The following SPAG16 variants were observed in gnomAD, a reference collection of about 807,000 sequenced individuals.
SPAG16 encodes the protein sperm associated antigen 16.
SPAG16 carries 86 observed loss-of-function variants against 80.4 expected under a neutral mutation model. That is an observed-to-expected ratio of 1.07 (90% CI 0.90 to 1.28). The LOEUF is 1.28. Ranked by LOEUF, SPAG16 falls within the 50% of genes most tolerant of loss-of-function variation. The pLI is 0.00. For synonymous variants in SPAG16, 294 were observed against 265.9 expected (o/e 1.11, Z -1.03); for missense variants, 870 against 765.3 (o/e 1.14, Z -1.61).
At chr2:213,560,665 CA>C (rs1184378962) in intron 10 of SPAG16, among the ~76,000 whole-genome samples, 4 of 152,082 alleles carry the variant, frequency 2.6e-5, no homozygotes, top group African/African-American at 7.2e-5. Flanking sequence ...CTTAATATGT[CA>C]CCTCTAAGAA....
chr2:213,832,359 T>G (rs929005310), intron 10 of SPAG16, among the ~76,000 whole-genome samples: 1 of 152,086 alleles, frequency 6.6e-6, no homozygotes, highest in African/African-American at 2.4e-5. Flanking sequence ...GCATGCTGAA[T>G]ACTTTGAACT....
chr2:214,064,630 A>G (rs537244655), intron 13 of SPAG16, among the ~76,000 whole-genome samples: 1 of 152,250 alleles, frequency 6.6e-6, no homozygotes, highest in East Asian at 1.9e-4. Context: ...TTGACCCACT[A>G]ACTGAATTAC....
intron 10 of SPAG16, among the ~76,000 whole-genome samples, chr2:213,681,929 A>G (rs998359048): frequency 6.6e-6 from 1 of 152,120 alleles, no homozygotes; most frequent in African/African-American, 2.4e-5. Flanking sequence ...TCTTCCTTTG[A>G]AATATAAAGA....
intron 13 of SPAG16, among the ~76,000 whole-genome samples, chr2:214,062,667 CTTTTT>C (rs36069141): frequency 1.6e-5 from 2 of 122,780 alleles, no homozygotes; most frequent in African/African-American, 3.1e-5. Flanking sequence ...ATAGCCTCCT[CTTTTT>C]TTTTTTTTTT....
intron 15 of SPAG16, among the ~76,000 whole-genome samples, chr2:214,170,178 A>ACACAC (rs1576405518): frequency 2.6e-5 from 4 of 151,572 alleles, no homozygotes; most frequent in African/African-American, 9.7e-5. Flanking sequence ...AGGGATACAC[A>ACACAC]TACACTTAGG....
chr2:213,801,907 A>T (rs1265937016), intron 10 of SPAG16, among the ~76,000 whole-genome samples: 2 of 152,222 alleles, frequency 1.3e-5, no homozygotes, highest in African/African-American at 4.8e-5. Flanking sequence ...CTATTCATTT[A>T]TAAAATCAGG....
chr2:213,728,959 C>A (rs2066909788), intron 10 of SPAG16, among the ~76,000 whole-genome samples: 1 of 140,132 alleles, frequency 7.1e-6, no homozygotes, highest in South Asian at 2.3e-4. Flanking sequence ...ACAGTGCTTG[C>A]ATGGGTATAA....
intron 13 of SPAG16, among the ~76,000 whole-genome samples, chr2:214,064,544 G>A (rs977873422): frequency 2.0e-5 from 3 of 151,858 alleles, no homozygotes; most frequent in African/African-American, 4.8e-5. Flanking sequence ...GGCTATCTGC[G>A]TTTCATCATT....
intron 15 of SPAG16, among the ~76,000 whole-genome samples, chr2:214,210,833 G>A (rs574918020): frequency 6.2e-4 from 91 of 146,216 alleles, no homozygotes; most frequent in African/African-American, 2.1e-3. Context: ...ACACACATGC[G>A]CGCGCGCACA....
chr2:213,997,654 C>T (rs919575878), intron 12 of SPAG16, among the ~76,000 whole-genome samples: 1 of 152,226 alleles, frequency 6.6e-6, no homozygotes, highest in East Asian at 1.9e-4. Context: ...GAAGAGGTGT[C>T]CAATCTTTTG....
chr2:213,693,601 C>T (rs758168164), intron 10 of SPAG16, among the ~76,000 whole-genome samples: 1 of 152,186 alleles, frequency 6.6e-6, no homozygotes, highest in African/African-American at 2.4e-5. Flanking sequence ...CCTAACATTA[C>T]TCTTATTTCC....
intron 10 of SPAG16, among the ~76,000 whole-genome samples, chr2:213,521,875 A>G (rs914097645): frequency 1.3e-5 from 2 of 152,216 alleles, no homozygotes; most frequent in African/African-American, 4.8e-5. Context: ...ATTATTGTTT[A>G]TGCTTTTCTG....
intron 1 of SPAG16, among the ~76,000 whole-genome samples, chr2:213,290,366 G>C (rs779867036): frequency 1.3e-5 from 2 of 152,194 alleles, no homozygotes; most frequent in Non-Finnish European, 2.9e-5. Context: ...ACTGTGGGCT[G>C]TGGCTTCAGG....
chr2:213,535,257 A>G (rs2076202850), intron 10 of SPAG16, among the ~76,000 whole-genome samples: 1 of 152,150 alleles, frequency 6.6e-6, no homozygotes, highest in Non-Finnish European at 1.5e-5. Context: ...AACATCAATC[A>G]TCTATAAATG....
chr2:213,856,774 T>G (rs12329379), intron 10 of SPAG16, among the ~76,000 whole-genome samples: 52,230 of 152,008 alleles, frequency 0.34, 9,409 homozygotes, highest in South Asian at 0.47. Flanking sequence ...AAGCAGCAAG[T>G]ACCTGGGCCT....
intron 5 of SPAG16, among the ~76,000 whole-genome samples, chr2:213,327,210 ATAT>A (rs2063881970): frequency 6.6e-6 from 1 of 151,710 alleles, no homozygotes; most frequent in Non-Finnish European, 1.5e-5. Context: ...TGATGAGGAA[ATAT>A]TATATAGTTT....
At chr2:213,901,312 A>G (rs1301222156) in intron 11 of SPAG16, among the ~76,000 whole-genome samples, 1 of 152,204 alleles carries the variant, frequency 6.6e-6, no homozygotes, top group African/African-American at 2.4e-5. Flanking sequence ...TGTCATTGAA[A>G]GAAATGGTCT....
chr2:213,429,946 A>G (rs750577596), intron 9 of SPAG16, among the ~76,000 whole-genome samples: 3 of 152,272 alleles, frequency 2.0e-5, no homozygotes, highest in Non-Finnish European at 2.9e-5. Flanking sequence ...GTGTAATGAT[A>G]CACATAAAGA....
At chr2:213,328,955 T>C (rs1040043335) in intron 5 of SPAG16, among the ~76,000 whole-genome samples, 2 of 152,056 alleles carry the variant, frequency 1.3e-5, no homozygotes, top group African/African-American at 4.8e-5. Flanking sequence ...TCTCACGAGA[T>C]CTGATGGTTT....
Sources: gnomAD v4.1 joint callset for allele counts (sites outside exome capture counted in the v4.1 genomes callset) on GRCh38, gnomAD v4.1.1 for gene constraint, MANE v1.5 for transcripts, NCBI Gene and HGNC (gene_info 2026-07-23, HGNC 2026-07-21) for gene names.